The following ZHX2 variants were observed in gnomAD, a reference collection of about 807,000 sequenced individuals.
The protein encoded by ZHX2 is zinc fingers and homeoboxes protein 2.
A neutral mutation model predicts 21.9 loss-of-function variants in ZHX2; 6 were observed. The observed-to-expected ratio is 0.27, with a 90% CI of 0.15 to 0.54. The LOEUF is 0.54. Ranked by LOEUF, ZHX2 falls within the 20% of genes least tolerant of loss-of-function variation. The pLI, the probability that ZHX2 is intolerant of heterozygous loss-of-function variation, is 0.95. For synonymous variants in ZHX2, 434 were observed against 437.1 expected (o/e 0.99, Z 0.09); for missense variants, 908 against 1,090.7 (o/e 0.83, Z 2.36).
At chr8:122,798,148 G>A (rs968924669) in intron 1 of ZHX2, among the ~76,000 whole-genome samples, 1 of 152,132 alleles carries the variant, frequency 6.6e-6, no homozygotes, top group Non-Finnish European at 1.5e-5. Flanking sequence ...GTATGTTGGG[G>A]GATACAGAAA....
chr8:122,925,420 T>C (rs985671125), intron 2 of ZHX2, among the ~76,000 whole-genome samples: 2 of 152,296 alleles, frequency 1.3e-5, no homozygotes, highest in African/African-American at 2.4e-5. Context: ...CAGCACCAGG[T>C]TCTTGCCCAA....
intron 3 of ZHX2, among the ~76,000 whole-genome samples, chr8:122,955,410 A>G (rs1311557309): frequency 6.6e-6 from 1 of 152,172 alleles, no homozygotes; most frequent in Non-Finnish European, 1.5e-5. Context: ...TAAGGTCCCA[A>G]AGGCAGCCCT....
chr8:122,941,497 A>G (rs996467234), intron 2 of ZHX2, among the ~76,000 whole-genome samples: 2 of 152,204 alleles, frequency 1.3e-5, no homozygotes, highest in Non-Finnish European at 2.9e-5. Flanking sequence ...TCAAGCAGCC[A>G]GCATTCTGTT....
At chr8:122,803,678 C>A (rs935365784) in intron 1 of ZHX2, among the ~76,000 whole-genome samples, 15 of 152,348 alleles carry the variant, frequency 9.8e-5, no homozygotes, top group African/African-American at 3.6e-4. Flanking sequence ...CTAAATCACA[C>A]CCTCTGTTTT....
intron 2 of ZHX2, among the ~76,000 whole-genome samples, chr8:122,896,283 G>A (rs1820099631): frequency 6.6e-6 from 1 of 151,482 alleles, no homozygotes; most frequent in Admixed American, 6.6e-5. Context: ...TCTTCTCTAG[G>A]AATTATTTTA....
chr8:122,929,240 C>T (rs1474396122), intron 2 of ZHX2, among the ~76,000 whole-genome samples: 1 of 152,204 alleles, frequency 6.6e-6, no homozygotes, highest in Non-Finnish European at 1.5e-5. Context: ...AGCCAGAGCT[C>T]CTTGATCAGA....
In ZHX2 at chr8:122,953,271, G is replaced by T; in HGVS notation, c.1761G>T (p.Met587Ile). Residue 587 changes from methionine (M) to isoleucine (I), a missense_variant, in exon 3 of 4, where the codon ATG becomes ATT. Coordinates refer to ENST00000314393, the MANE Select transcript of ZHX2 (RefSeq NM_014943.5). This position sits in a 1 kb window ranked among gnomAD's most constrained non-coding sequence, Gnocchi z 4.6. ...FSERRKLRDS[M>I]EQAVLDSMGS... ...AGAGGCGGAAGCTTCGAGACAGCATGGAACAAGCTGTCTTGGATTCCATGG... is the reference window on the plus strand; with the variant it reads ...AGAGGCGGAAGCTTCGAGACAGCATTGAACAAGCTGTCTTGGATTCCATGG... 1 of 1,614,128 alleles carries T rather than the reference G, an allele frequency of 6.2e-7. No individual in the cohort carries two copies. The highest frequency in any genetic ancestry group is 8.5e-7 in the Non-Finnish European group (1 of 1,180,034).
At chr8:122,864,377 C>T (rs1266547814) in intron 2 of ZHX2, among the ~76,000 whole-genome samples, 2 of 151,832 alleles carry the variant, frequency 1.3e-5, no homozygotes, top group Admixed American at 6.6e-5. Flanking sequence ...ACGTTGTTGC[C>T]CATTGGCTGG....
At chr8:122,836,389 C>T (rs990655917) in intron 1 of ZHX2, among the ~76,000 whole-genome samples, 4 of 152,218 alleles carry the variant, frequency 2.6e-5, no homozygotes, top group Admixed American at 6.5e-5. Context: ...GTGGCTTGCT[C>T]TCCGGGGTGG....
intron 2 of ZHX2, among the ~76,000 whole-genome samples, chr8:122,938,762 G>A (rs1003501626): frequency 3.3e-5 from 5 of 151,972 alleles, no homozygotes; most frequent in African/African-American, 7.3e-5. Context: ...TGCTTGAGCC[G>A]AGGAGGCCAA....
chr8:122,844,808 G>T (rs1404538318), intron 1 of ZHX2, among the ~76,000 whole-genome samples: 1 of 152,148 alleles, frequency 6.6e-6, no homozygotes, highest in Admixed American at 6.5e-5. Context: ...GCTCTTTACA[G>T]GAGAGAATCA....
chr8:122,891,820 G>A (rs1819987080), intron 2 of ZHX2, among the ~76,000 whole-genome samples: 1 of 152,202 alleles, frequency 6.6e-6, no homozygotes. Context: ...AACTTATCGA[G>A]AGTTGTTTTG....
chr8:122,896,417 G>A (rs1263767972), intron 2 of ZHX2, among the ~76,000 whole-genome samples: 2 of 152,182 alleles, frequency 1.3e-5, no homozygotes, highest in African/African-American at 4.8e-5. Context: ...AATGATGGAA[G>A]TAACTGGCAT....
chr8:122,827,523 C>T (rs1818288095), intron 1 of ZHX2, among the ~76,000 whole-genome samples: 2 of 152,116 alleles, frequency 1.3e-5, no homozygotes, highest in African/African-American at 4.8e-5. Flanking sequence ...ACTAATAGAG[C>T]CCTGTTTTAC....
intron 2 of ZHX2, among the ~76,000 whole-genome samples, chr8:122,935,805 G>A (rs973846107): frequency 2.0e-5 from 3 of 152,078 alleles, no homozygotes; most frequent in African/African-American, 7.2e-5. Flanking sequence ...AAAGTGCTGG[G>A]ATTACAGGTG....
At chr8:122,930,558 T>TA (rs1820959589) in intron 2 of ZHX2, among the ~76,000 whole-genome samples, 1 of 149,746 alleles carries the variant, frequency 6.7e-6, no homozygotes, top group African/African-American at 2.4e-5. Flanking sequence ...CTGAGAGAAT[T>TA]TTTTTTTTTT....
chr8:122,910,545 T>C (rs973321114), intron 2 of ZHX2, among the ~76,000 whole-genome samples: 1 of 152,218 alleles, frequency 6.6e-6, no homozygotes, highest in Non-Finnish European at 1.5e-5. Flanking sequence ...GCAGGACCCC[T>C]GTTCAAAAGG....
intron 2 of ZHX2, among the ~76,000 whole-genome samples, chr8:122,894,896 C>T (rs1208622789): frequency 1.3e-5 from 2 of 152,182 alleles, no homozygotes; most frequent in Non-Finnish European, 2.9e-5. Context: ...TTGGACATCT[C>T]TGTCCCCCTC....
At chr8:122,967,283 AG>A (rs1179328320) in intron 3 of ZHX2, among the ~76,000 whole-genome samples, 1 of 152,184 alleles carries the variant, frequency 6.6e-6, no homozygotes, top group Non-Finnish European at 1.5e-5. Flanking sequence ...AGACTGTTTC[AG>A]TGGAAACATC....
Sources: allele counts gnomAD v4.1 joint callset (sites outside exome capture counted in the v4.1 genomes callset), GRCh38; gene constraint gnomAD v4.1.1; non-coding constraint Gnocchi (gnomAD v3.1); transcripts MANE v1.5; gene names NCBI Gene and HGNC (gene_info 2026-07-23, HGNC 2026-07-21).